Variants in BMP2K observed in about 807,000 individuals in gnomAD.
BMP2K encodes BMP-2-inducible protein kinase.
BMP2K carries 74 observed loss-of-function variants against 116.0 expected under a neutral mutation model. The observed-to-expected ratio is 0.64, with a 90% CI of 0.53 to 0.77. BMP2K has a LOEUF of 0.77. Ranked by LOEUF, BMP2K falls within the 30% of genes least tolerant of loss-of-function variation. The pLI is 0.00. For missense variants in BMP2K, 1,365 were observed against 1,403.6 expected (o/e 0.97, Z 0.44); for synonymous variants, 486 against 502.5 (o/e 0.97, Z 0.44).
intron 15 of BMP2K, among the ~76,000 whole-genome samples, chr4:78,897,203 T>A (rs984954811): frequency 2.0e-5 from 3 of 152,028 alleles, no homozygotes; most frequent in Non-Finnish European, 4.4e-5. Flanking sequence ...TTGATTTTTT[T>A]AAGCCTTATT....
intron 15 of BMP2K, among the ~76,000 whole-genome samples, chr4:78,897,291 G>C (rs1352255745): frequency 6.6e-6 from 1 of 151,962 alleles, no homozygotes; most frequent in Non-Finnish European, 1.5e-5. Context: ...TACAACATTA[G>C]TTGTAGAAAC....
intron 1 of BMP2K, among the ~76,000 whole-genome samples, chr4:78,790,453 A>G (rs985942687): frequency 1.3e-5 from 2 of 152,238 alleles, no homozygotes; most frequent in Non-Finnish European, 2.9e-5. Context: ...TATATCACCT[A>G]AGAGCTAAAC....
chr4:78,835,767 G>T (rs990084699), intron 3 of BMP2K, among the ~76,000 whole-genome samples: 9 of 151,676 alleles, frequency 5.9e-5, no homozygotes, highest in African/African-American at 1.9e-4. Flanking sequence ...TTTCCACACT[G>T]CATTATATAA....
At chr4:78,867,043 C>T (rs1222912923) in intron 10 of BMP2K, among the ~76,000 whole-genome samples, 1 of 151,858 alleles carries the variant, frequency 6.6e-6, no homozygotes, top group Non-Finnish European at 1.5e-5. Flanking sequence ...TGGTGGTACA[C>T]ACCTGTAGTC....
intron 1 of BMP2K, among the ~76,000 whole-genome samples, chr4:78,791,990 T>G (rs1374946519): frequency 6.6e-5 from 10 of 152,220 alleles, no homozygotes; most frequent in Admixed American, 6.5e-4. Context: ...ATATGATAAT[T>G]CTATGTTTAA....
intron 5 of BMP2K, among the ~76,000 whole-genome samples, chr4:78,846,227 A>G (rs1730992708): frequency 6.6e-6 from 1 of 151,620 alleles, no homozygotes; most frequent in Admixed American, 6.6e-5. Context: ...TAATGGACTT[A>G]CCATTCATTC....
At chr4:78,790,820 ACT>A (rs1727959701) in intron 1 of BMP2K, among the ~76,000 whole-genome samples, 1 of 152,082 alleles carries the variant, frequency 6.6e-6, no homozygotes, top group Admixed American at 6.5e-5. Flanking sequence ...GTTCCACTGC[ACT>A]CTGTCTTGGG....
chr4:78,843,991 A>G (rs1577919391), intron 4 of BMP2K, among the ~76,000 whole-genome samples: 1 of 152,000 alleles, frequency 6.6e-6, no homozygotes, highest in East Asian at 1.9e-4. Flanking sequence ...AAAAAAGTAT[A>G]CTAAAGTGAA....
chr4:78,812,063 T>G (rs1169374513), intron 1 of BMP2K, among the ~76,000 whole-genome samples: 1 of 152,134 alleles, frequency 6.6e-6, no homozygotes, highest in Non-Finnish European at 1.5e-5. Context: ...AACCTCCATC[T>G]CCCAGGTTCA....
intron 15 of BMP2K, among the ~76,000 whole-genome samples, chr4:78,902,757 G>A (rs1560555043): frequency 6.6e-6 from 1 of 152,122 alleles, no homozygotes; most frequent in African/African-American, 2.4e-5. Flanking sequence ...AAAAGGAAAA[G>A]AGGGAAACCT....
chr4:78,833,739 G>T, intron 3 of BMP2K, 52 bp downstream of exon 3: 1 of 1,199,456 alleles, frequency 8.3e-7, no homozygotes, highest in Non-Finnish European at 1.2e-6. Context: ...CCTTAAATGG[G>T]TTACTAGGTA....
intron 8 of BMP2K, chr4:78,860,149 T>C: frequency 2.1e-6 from 1 of 482,964 alleles, no homozygotes; most frequent in Non-Finnish European, 4.0e-6. Flanking sequence ...TGTGTACGCA[T>C]AGATATAGAC....
chr4:78,787,383 T>C (rs1727779445), intron 1 of BMP2K, among the ~76,000 whole-genome samples: 1 of 152,230 alleles, frequency 6.6e-6, no homozygotes, highest in African/African-American at 2.4e-5. Flanking sequence ...TATGGTTATA[T>C]GTATAGTACA....
intron 14 of BMP2K, among the ~76,000 whole-genome samples, chr4:78,881,142 A>G (rs1345268637): frequency 6.6e-6 from 1 of 152,228 alleles, no homozygotes; most frequent in Non-Finnish European, 1.5e-5. Context: ...TGCCTACTTC[A>G]TAGGGTTGTC....
chr4:78,789,835 C>T (rs10518204), intron 1 of BMP2K, among the ~76,000 whole-genome samples: 2,888 of 152,260 alleles, frequency 0.019, 84 homozygotes, highest in African/African-American at 0.062. Context: ...CATAGCAACA[C>T]GGAGGACCTC....
chr4:78,859,925 G>A (rs1731689108), intron 8 of BMP2K: 1 of 553,254 alleles, frequency 1.8e-6, no homozygotes, highest in African/African-American at 1.9e-5. Context: ...TTGCATTTTT[G>A]AGGAAAACAC....
Position 78,878,893 on chromosome 4 carries a change from T to C in BMP2K, c.1951+2T>C. The C allele has an allele frequency of 1.2e-6, 2 of 1,607,488 alleles. No homozygotes were observed. Among genetic ancestry groups the C allele is most frequent in the Non-Finnish European group, 1.7e-6 (2 of 1,178,198 alleles). ...GAGAATTTGACCTTCTAAGATCAAGTAAGGGACACTTGAAGGCTTATTTTG... is the reference window on the plus strand; with the variant it reads ...GAGAATTTGACCTTCTAAGATCAAGCAAGGGACACTTGAAGGCTTATTTTG... On this transcript the variant is annotated splice_donor_variant, in intron 14 of 15. Transcript: ENST00000502613. LOFTEE classifies it high-confidence loss of function.
At chr4:78,901,381 T>A in intron 15 of BMP2K, among the ~76,000 whole-genome samples, 1 of 152,108 alleles carries the variant, frequency 6.6e-6, no homozygotes, top group South Asian at 2.1e-4. Flanking sequence ...GTAAAATTTA[T>A]CTTAAATTGG....
rs896583473 is a variant in BMP2K at position 78,913,925 on chromosome 4, GTTGA to G, written c.*1895_*1898del. Reference sequence around the variant, plus strand: ...CTTTTTTTTTTTTTCTGATTCTCAGGTTGATTAATACTGCTAATGCAAATGCTCA... The same window carrying G: ...CTTTTTTTTTTTTTCTGATTCTCAGGTTAATACTGCTAATGCAAATGCTCA... On this transcript the variant is annotated 3_prime_UTR_variant, in exon 16 of 16. Transcript: ENST00000502613. 8 of 151,432 alleles carry G rather than the reference GTTGA, an allele frequency of 5.3e-5. No individual in the cohort carries two copies. Among genetic ancestry groups the G allele is most frequent in the Non-Finnish European group, 8.8e-5 (6 of 67,804 alleles). 9.4% of individuals were successfully genotyped at this position (151,432 alleles called of 1,614,324 possible). A position where few individuals can be genotyped will look rare whatever the true frequency, so the allele number is the denominator to read the frequency against.
Sources: allele counts gnomAD v4.1 joint callset (sites outside exome capture counted in the v4.1 genomes callset), GRCh38; gene constraint gnomAD v4.1.1; transcripts MANE v1.5; gene names NCBI Gene and HGNC (gene_info 2026-07-23, HGNC 2026-07-21).